The following TBC1D19 variants were observed in gnomAD, a reference collection of about 807,000 sequenced individuals.
TBC1D19 encodes the protein TBC1 domain family member 19, also known as TBC1 domain family, member 19.
Under a neutral mutation model 89.0 loss-of-function variants are expected in TBC1D19, and 60 were observed. The ratio of observed to expected loss-of-function variants is 0.67; its 90% CI spans 0.55 to 0.84. TBC1D19 has a LOEUF of 0.84. Ranked by LOEUF, TBC1D19 falls within the 40% of genes least tolerant of loss-of-function variation. The pLI is 0.00. For missense variants in TBC1D19, 500 were observed against 610.8 expected (o/e 0.82, Z 1.91); for synonymous variants, 189 against 199.7 (o/e 0.95, Z 0.45).
Position 26,614,398 on chromosome 4 carries a change from TAA to T in TBC1D19, c.173-5_173-4del. The T allele has an allele frequency of 6.3e-7, 1 of 1,575,488 alleles. No homozygotes were observed. Among genetic ancestry groups the T allele is most frequent in the African/African-American group, 1.4e-5 (1 of 73,876 alleles). On this transcript the variant is annotated splice_polypyrimidine_tract_variant and splice_region_variant and intron_variant, in intron 2 of 20. Coordinates refer to ENST00000264866, the MANE Select transcript of TBC1D19 (RefSeq NM_018317.4). ...ATGTTCATATATTTTATTCTTTTTT[TAA>T]AAAACAGGTTGGGAGAAGAAACTTC...
chr4:26,657,015 C>CTCCTTCTCCTTT (rs1398730593), intron 7 of TBC1D19, among the ~76,000 whole-genome samples: 1 of 121,038 alleles, frequency 8.3e-6, no homozygotes, highest in African/African-American at 2.9e-5. Context: ...CCTTCTCCTT[C>CTCCTTCTCCTTT]TCCTTCTCCT....
the TBC1D19 span, among the ~76,000 whole-genome samples, chr4:26,770,789 A>C: frequency 6.6e-6 from 1 of 152,140 alleles, no homozygotes; most frequent in Non-Finnish European, 1.5e-5. Context: ...TGCAATGAGT[A>C]ATATTAGAAA....
the TBC1D19 span, among the ~76,000 whole-genome samples, chr4:26,846,051 C>T: frequency 3.9e-5 from 6 of 152,158 alleles, no homozygotes; most frequent in Non-Finnish European, 8.8e-5. Context: ...ATAATGTTCT[C>T]AAGGTTCATA....
upstream of TBC1D19, among the ~76,000 whole-genome samples, chr4:26,582,428 T>G (rs1407260347): frequency 6.6e-6 from 1 of 152,206 alleles, no homozygotes; most frequent in Admixed American, 6.5e-5. Flanking sequence ...CATCCTTCCC[T>G]TCAACGCTCT....
At chr4:26,583,220 T>C (rs1319830572), upstream of TBC1D19, among the ~76,000 whole-genome samples, 1 of 151,634 alleles carries the variant, frequency 6.6e-6, no homozygotes, top group Non-Finnish European at 1.5e-5. Context: ...GGAAGGGAGG[T>C]GCCGTTGGCC....
intron 19 of TBC1D19, among the ~76,000 whole-genome samples, chr4:26,751,521 C>G (rs1469991332): frequency 6.6e-6 from 1 of 152,210 alleles, no homozygotes; most frequent in Non-Finnish European, 1.5e-5. Flanking sequence ...ACATGAAACT[C>G]AGTGACTTTA....
intron 18 of TBC1D19, among the ~76,000 whole-genome samples, chr4:26,746,506 G>T (rs991272134): frequency 1.3e-5 from 2 of 151,882 alleles, no homozygotes; most frequent in African/African-American, 4.8e-5. Flanking sequence ...TTTTTGTGTG[G>T]TTTTTCGGTT....
At position 26,753,808 on chromosome 4, in the gene TBC1D19, A is replaced by G; in HGVS notation, c.1436-12A>G. On this transcript the variant is annotated splice_polypyrimidine_tract_variant and intron_variant, in intron 19 of 20. Transcript: ENST00000264866. ...TAGGCCAGCAGTTGAAGTAGTGTGCATTCTTTTCCAGTGCTGGCAGCTGCC... is the reference window on the plus strand; with the variant it reads ...TAGGCCAGCAGTTGAAGTAGTGTGCGTTCTTTTCCAGTGCTGGCAGCTGCC... The G allele has an allele frequency of 6.2e-7, 1 of 1,613,758 alleles. No individual in the cohort carries two copies. Among genetic ancestry groups the G allele is most frequent in the Non-Finnish European group, 8.5e-7 (1 of 1,179,744 alleles).
intron 8 of TBC1D19, 22 bp from the exon 9 acceptor site, chr4:26,666,311 T>G (rs1362609508): frequency 2.2e-5 from 35 of 1,597,076 alleles, no homozygotes; most frequent in Non-Finnish European, 3.0e-5. Flanking sequence ...TCTATGTTAA[T>G]TCTACGTATG....
At chr4:26,835,766 A>G in the TBC1D19 span, among the ~76,000 whole-genome samples, 1 of 152,144 alleles carries the variant, frequency 6.6e-6, no homozygotes, top group Non-Finnish European at 1.5e-5. Flanking sequence ...AAACCTGATC[A>G]TGTCACGTTT....
chr4:26,786,779 GGA>G, the TBC1D19 span, among the ~76,000 whole-genome samples: 1 of 149,884 alleles, frequency 6.7e-6, no homozygotes, highest in Admixed American at 6.7e-5. Flanking sequence ...ATGGATGGAT[GGA>G]TGGATGGATG....
chr4:26,652,955 A>G (rs1203328231), intron 7 of TBC1D19, among the ~76,000 whole-genome samples: 1 of 151,842 alleles, frequency 6.6e-6, no homozygotes, highest in East Asian at 1.9e-4. Flanking sequence ...TTTAATTGTG[A>G]TGTTAGGGTG....
chr4:26,817,462 C>T, the TBC1D19 span, among the ~76,000 whole-genome samples: 1 of 152,160 alleles, frequency 6.6e-6, no homozygotes, highest in Non-Finnish European at 1.5e-5. Flanking sequence ...GTTGCGTGCC[C>T]TTGGAGGAGC....
At chr4:26,766,832 G>T in the TBC1D19 span, among the ~76,000 whole-genome samples, 4 of 152,068 alleles carry the variant, frequency 2.6e-5, no homozygotes, top group Admixed American at 2.6e-4. Context: ...TTACTCTAAA[G>T]GTTAAATGAG....
intron 15 of TBC1D19, among the ~76,000 whole-genome samples, chr4:26,735,038 ATG>A (rs1341706380): frequency 1.3e-5 from 2 of 151,354 alleles, no homozygotes; most frequent in Non-Finnish European, 3.0e-5. Context: ...ATATATGTAT[ATG>A]TGTACACACA....
chr4:26,671,210 G>A (rs1712273562), intron 9 of TBC1D19, among the ~76,000 whole-genome samples: 2 of 151,584 alleles, frequency 1.3e-5, no homozygotes, highest in Admixed American at 6.6e-5. Context: ...ATTTAGAATT[G>A]TCAGTCTTTT....
the TBC1D19 span, among the ~76,000 whole-genome samples, chr4:26,841,004 G>A: frequency 2.6e-5 from 4 of 152,050 alleles, no homozygotes; most frequent in African/African-American, 9.7e-5. Flanking sequence ...GAAGCTGAGT[G>A]CAGGTGTAAG....
chr4:26,838,088 GAGAATGGCTCAT>G, the TBC1D19 span, among the ~76,000 whole-genome samples: 1 of 152,116 alleles, frequency 6.6e-6, no homozygotes, highest in Non-Finnish European at 1.5e-5. Context: ...ACAAGGCAAT[GAGAATGGCTCAT>G]TTTCCCATTC....
chr4:26,715,678 T>C (rs2109257231), intron 13 of TBC1D19, among the ~76,000 whole-genome samples: 1 of 152,236 alleles, frequency 6.6e-6, no homozygotes, highest in South Asian at 2.1e-4. Flanking sequence ...CCTTGCATCC[T>C]CTTCATCAGA....
Sources: gnomAD v4.1 joint callset for allele counts (sites outside exome capture counted in the v4.1 genomes callset) on GRCh38, gnomAD v4.1.1 for gene constraint, MANE v1.5 for transcripts, NCBI Gene and HGNC (gene_info 2026-07-23, HGNC 2026-07-21) for gene names.